Variants in CSMD2 observed in about 807,000 individuals in gnomAD.
CSMD2 encodes CUB and Sushi multiple domains 2.
CSMD2 carries 130 observed loss-of-function variants against 398.5 expected under a neutral mutation model. The observed-to-expected ratio is 0.33, with a 90% CI of 0.28 to 0.38. The LOEUF is 0.38. Among genes scored for constraint, CSMD2 ranks in the 10% least tolerant of loss-of-function variants. The pLI is 1.00. For missense variants in CSMD2, 3,829 were observed against 4,764.9 expected (o/e 0.80, Z 5.78); for synonymous variants, 1,828 against 1,908.5 (o/e 0.96, Z 1.10).
intron 22 of CSMD2, 114 bp downstream of exon 22, chr1:33,708,975 G>T: frequency 2.2e-6 from 2 of 895,518 alleles, no homozygotes; most frequent in Non-Finnish European, 3.4e-6. Flanking sequence ...ACAGTATTTT[G>T]GGACTCAGGA....
chr1:34,045,304 C>T (rs1459701418), intron 2 of CSMD2, among the ~76,000 whole-genome samples: 2 of 152,130 alleles, frequency 1.3e-5, no homozygotes, highest in Admixed American at 6.5e-5. Flanking sequence ...GCTACATTAG[C>T]TATGAGACCA....
At chr1:33,901,306 G>A (rs190523417) in intron 5 of CSMD2, among the ~76,000 whole-genome samples, 8 of 152,292 alleles carry the variant, frequency 5.3e-5, no homozygotes, top group Admixed American at 3.3e-4. Flanking sequence ...GGTGAGATGC[G>A]GTTGGCTGTG....
At chr1:33,938,333 G>A (rs1644544019) in intron 3 of CSMD2, among the ~76,000 whole-genome samples, 1 of 142,660 alleles carries the variant, frequency 7.0e-6, no homozygotes, top group African/African-American at 2.7e-5. Flanking sequence ...TGGCTTGCCT[G>A]GTGTTTCCCA....
chr1:33,894,712 T>C (rs1329531863), intron 5 of CSMD2, among the ~76,000 whole-genome samples: 1 of 152,178 alleles, frequency 6.6e-6, no homozygotes, highest in Non-Finnish European at 1.5e-5. Flanking sequence ...AACCCTTGTC[T>C]CAGGCCTGCT....
rs1644186631 is a variant in CSMD2, at chr1:33,662,943, T to C, written c.4202A>G (p.Gln1401Arg). The stretch of plus-strand genomic sequence containing the variant: ...GCTGGTGAAGAAGTCAGTGCTGAAC[T>C]GCAGGACGACCGAGTTGAAGGTGCT... ...LHSTFNSVVL[Q>R]FSTDFFTSKQ... The change falls in exon 26 of 71, where the codon CAG becomes CGG. Residue 1401 changes from glutamine to arginine, a missense_variant. By Grantham distance (43) the Gln-to-Arg change is conservative (BLOSUM62 1). Coordinates refer to ENST00000373381, the MANE Select transcript of CSMD2 (RefSeq NM_001281956.2). 1 of 1,614,172 alleles carries C rather than the reference T, an allele frequency of 6.2e-7. No individual in the cohort carries two copies. Among genetic ancestry groups the C allele is most frequent in the Non-Finnish European group, 8.5e-7 (1 of 1,180,020 alleles).
At chr1:34,043,010 C>T (rs1383085409) in intron 2 of CSMD2, among the ~76,000 whole-genome samples, 26 of 152,030 alleles carry the variant, frequency 1.7e-4, no homozygotes, top group Non-Finnish European at 8.8e-5. Flanking sequence ...AGGATGGTCT[C>T]GATCTTCTGA....
chr1:33,681,130 A>G (rs1289049158), intron 25 of CSMD2, among the ~76,000 whole-genome samples: 1 of 151,456 alleles, frequency 6.6e-6, no homozygotes, highest in Non-Finnish European at 1.5e-5. Flanking sequence ...AGCTGGGTTG[A>G]CCATGCTGGT....
chr1:34,041,330 C>G (rs1417030335), intron 2 of CSMD2, among the ~76,000 whole-genome samples: 1 of 152,122 alleles, frequency 6.6e-6, no homozygotes, highest in African/African-American at 2.4e-5. Context: ...TGGACTGAGA[C>G]CTGAGGGTCT....
intron 5 of CSMD2, among the ~76,000 whole-genome samples, chr1:33,859,100 GA>G (rs1639303884): frequency 6.6e-6 from 1 of 152,224 alleles, no homozygotes; most frequent in Non-Finnish European, 1.5e-5. Flanking sequence ...AGAGGAGAAA[GA>G]TACTGTGCTA....
At chr1:34,010,185 C>G (rs535769429) in intron 3 of CSMD2, among the ~76,000 whole-genome samples, 10 of 152,176 alleles carry the variant, frequency 6.6e-5, no homozygotes, top group African/African-American at 2.4e-4. Context: ...TGGGCCTTGG[C>G]CTCCAGTCTT....
At chr1:34,034,066 C>T (rs1246521968) in intron 2 of CSMD2, among the ~76,000 whole-genome samples, 1 of 151,940 alleles carries the variant, frequency 6.6e-6, no homozygotes, top group Non-Finnish European at 1.5e-5. Context: ...CATATACTCT[C>T]TCTCATCAAA....
At chr1:34,058,287 T>C (rs1235510045) in intron 2 of CSMD2, among the ~76,000 whole-genome samples, 4 of 152,096 alleles carry the variant, frequency 2.6e-5, no homozygotes, top group Non-Finnish European at 5.9e-5. Flanking sequence ...AAAATGGAGA[T>C]GACAGTACCT....
intron 3 of CSMD2, among the ~76,000 whole-genome samples, chr1:33,989,714 GAA>G (rs1351695906): frequency 6.6e-6 from 1 of 152,072 alleles, no homozygotes; most frequent in Non-Finnish European, 1.5e-5. Flanking sequence ...CTGTTATACT[GAA>G]AAAAGTCAGA....
intron 3 of CSMD2, among the ~76,000 whole-genome samples, chr1:34,031,722 G>T (rs940756252): frequency 9.5e-6 from 1 of 105,114 alleles, no homozygotes; most frequent in South Asian, 3.3e-4. Flanking sequence ...CTTCATTGAA[G>T]AAAGCATCGC....
At chr1:33,998,698 G>A (rs1458907984) in intron 3 of CSMD2, among the ~76,000 whole-genome samples, 2 of 152,202 alleles carry the variant, frequency 1.3e-5, no homozygotes, top group Non-Finnish European at 2.9e-5. Flanking sequence ...GACCAGCTAC[G>A]TAATCAGCAT....
chr1:34,006,673 T>C (rs7529498), intron 3 of CSMD2, among the ~76,000 whole-genome samples: 19,932 of 152,030 alleles, frequency 0.13, 2,196 homozygotes, highest in East Asian at 0.39. Context: ...TTTTTTTCCA[T>C]CTAATAACTA....
chr1:33,781,577 T>C (rs143870159), intron 12 of CSMD2, among the ~76,000 whole-genome samples: 1 of 152,282 alleles, frequency 6.6e-6, no homozygotes, highest in Non-Finnish European at 1.5e-5. Context: ...GTCCTGCTCC[T>C]TCATGTCTGT....
chr1:34,075,696 C>T (rs77441112), intron 2 of CSMD2, among the ~76,000 whole-genome samples: 1,793 of 152,302 alleles, frequency 0.012, 31 homozygotes, highest in African/African-American at 0.039. Context: ...TTATTAGCAG[C>T]GTCTTCATAG....
chr1:33,801,288 C>T (rs551935749), intron 10 of CSMD2, among the ~76,000 whole-genome samples: 1 of 152,186 alleles, frequency 6.6e-6, no homozygotes, highest in East Asian at 1.9e-4. Context: ...GGCTCATGTG[C>T]AAATTGGATC....
Sources: allele counts gnomAD v4.1 joint callset (sites outside exome capture counted in the v4.1 genomes callset), GRCh38; gene constraint gnomAD v4.1.1; transcripts MANE v1.5; gene names NCBI Gene and HGNC (gene_info 2026-07-23, HGNC 2026-07-21).